The following HIPK3 variants were observed in gnomAD, a reference collection of about 807,000 sequenced individuals.
HIPK3 encodes homeodomain-interacting protein kinase 3.
In HIPK3, 47 loss-of-function variants were observed where a neutral mutation model predicts 124.2. The observed-to-expected ratio is 0.38, with a 90% CI of 0.30 to 0.48. The LOEUF is 0.48. HIPK3 is among the 20% of genes least tolerant of loss of function. HIPK3 has a pLI of 0.98. For synonymous variants in HIPK3, 482 were observed against 515.2 expected, an observed-to-expected ratio of 0.94 and a Z score of 0.87; for missense variants, 1,286 against 1,454.3, an observed-to-expected ratio of 0.88 and a Z score of 1.88.
chr11:33,287,169 A>G lies in HIPK3; in HGVS notation c.755A>G (p.Asn252Ser). ...ATATTAGCAAGGCTCAGTACTGAAA[A>G]TGCTGATGAATATAACTTTGTACGA... The part of the protein sequence containing the change: ...VSILARLSTE[N>S]ADEYNFVRAY... The change falls in exon 2 of 17, where the codon AAT becomes AGT. Residue 252 changes from asparagine (N) to serine (S), a missense_variant. This residue lies in a region of HIPK3 where 251 missense variants were observed against 349.1 expected (regional missense o/e 0.72). Transcript: ENST00000303296. The G allele has an allele frequency of 3.1e-6, 5 of 1,614,216 alleles. No individual in the cohort carries two copies. The highest frequency in any genetic ancestry group is 1.1e-5 in the South Asian group (1 of 91,084).
chr11:33,292,040 A>AG (rs1197387317), intron 2 of HIPK3, among the ~76,000 whole-genome samples: 1 of 152,214 alleles, frequency 6.6e-6, no homozygotes, highest in African/African-American at 2.4e-5. Context: ...TAAGCTACAT[A>AG]GGAAGACCCG....
chr11:33,304,374 A>G (rs995727332), intron 2 of HIPK3, among the ~76,000 whole-genome samples: 15 of 152,292 alleles, frequency 9.8e-5, no homozygotes, highest in African/African-American at 3.1e-4. Context: ...CCTGACGAAC[A>G]TGGAGAAACC....
chr11:33,266,257 C>T (rs191908306), intron 1 of HIPK3, among the ~76,000 whole-genome samples: 2 of 151,870 alleles, frequency 1.3e-5, no homozygotes, highest in South Asian at 4.2e-4. Flanking sequence ...TAGAAAAACA[C>T]TGCTTAAGAA....
chr11:33,356,110 A>G lies in HIPK3; in HGVS notation c.*2542A>G, dbSNP rs1853810241. ...AACTGACAGAGTTTTCTTTTTGTTT[A>G]GGGCCATGTTTACTACCCTGAAATG... On this transcript the variant is annotated 3_prime_UTR_variant, in exon 17 of 17. Transcript: ENST00000303296. 1 of 151,994 alleles carries G rather than the reference A, an allele frequency of 6.6e-6. No homozygotes were observed. Among genetic ancestry groups the G allele is most frequent in the African/African-American group, 2.4e-5 (1 of 41,444 alleles). 9.4% of individuals were successfully genotyped at this position (151,994 alleles called of 1,614,324 possible).
chr11:33,294,160 A>G (rs201737974), intron 2 of HIPK3, among the ~76,000 whole-genome samples: 1 of 16,172 alleles, frequency 6.2e-5, no homozygotes, highest in African/African-American at 1.8e-4. Flanking sequence ...TCTGAAAAAG[A>G]AAAAAAAAAA....
upstream of HIPK3, chr11:33,256,774 G>A (rs1850676230): frequency 2.2e-6 from 2 of 921,304 alleles, no homozygotes; most frequent in Non-Finnish European, 2.6e-6. Flanking sequence ...TCACAATTAT[G>A]GGGTTTTGGA....
chr11:33,264,373 C>T (rs940595649), intron 1 of HIPK3, among the ~76,000 whole-genome samples: 1 of 152,088 alleles, frequency 6.6e-6, no homozygotes, highest in Non-Finnish European at 1.5e-5. Context: ...TGCTGGAACA[C>T]CTTTTCCCAT....
In HIPK3 at chr11:33,349,318, A is replaced by C. The variant is rs566962115; in HGVS notation, c.2807+31A>C. ...AGAATCTCAATAGTAGTGTGTAATA[A>C]ATAGTAAGTCTACTAAAAAGCCTAC... On this transcript the variant is annotated intron_variant, in intron 14 of 16. Transcript: ENST00000303296. 2.6e-4 allele frequency: 408 copies of C among 1,563,558 alleles called. 4 individuals carry two copies. The South Asian group carries it at 4.5e-3, about 17-fold the overall frequency.
chr11:33,332,645 A>G (rs1220506780), intron 3 of HIPK3, among the ~76,000 whole-genome samples: 4 of 152,224 alleles, frequency 2.6e-5, no homozygotes, highest in Non-Finnish European at 1.5e-5. Flanking sequence ...ATGTAAGAAA[A>G]ATAAAGTTCA....
At chr11:33,264,378 T>C (rs1364990785) in intron 1 of HIPK3, among the ~76,000 whole-genome samples, 1 of 152,162 alleles carries the variant, frequency 6.6e-6, no homozygotes, top group Non-Finnish European at 1.5e-5. Context: ...GAACACCTTT[T>C]CCCATCCAAG....
In HIPK3 at chr11:33,353,406, C is replaced by T. The variant is rs1353479518; in HGVS notation, c.3486C>T (p.His1162=). Residue 1162 remains histidine (H), a synonymous_variant, in exon 17 of 17, where the codon CAC becomes CAT. Coordinates refer to ENST00000303296, the MANE Select transcript of HIPK3 (RefSeq NM_005734.5). ...TCTCCCATCCCAGTGGCATAGTTCACCAAGTCCCAGTGGGCTTAAATCCCC... is the reference window on the plus strand; with the variant it reads ...TCTCCCATCCCAGTGGCATAGTTCATCAAGTCCCAGTGGGCTTAAATCCCC... ...YNISHPSGIV[H]QVPVGLNPRL... is the part of the protein sequence containing the mutation. 2.0e-5 allele frequency: 33 copies of T among 1,612,952 alleles called. No homozygotes were observed. The highest frequency in any genetic ancestry group is 2.8e-5 in the Non-Finnish European group (33 of 1,179,824).
chr11:33,319,525 G>A (rs1190246975), intron 2 of HIPK3, among the ~76,000 whole-genome samples: 1 of 151,784 alleles, frequency 6.6e-6, no homozygotes, highest in African/African-American at 2.4e-5. Flanking sequence ...ATGATACCTG[G>A]CACATTGTTA....
At chr11:33,311,249 G>T (rs1852327334) in intron 2 of HIPK3, among the ~76,000 whole-genome samples, 1 of 152,132 alleles carries the variant, frequency 6.6e-6, no homozygotes, top group Admixed American at 6.5e-5. Context: ...ACAGTGGTAA[G>T]ATCACAGCTC....
chr11:33,338,752 A>G lies in HIPK3; in HGVS notation c.1342-5A>G. On this transcript the variant is annotated splice_region_variant and splice_polypyrimidine_tract_variant and intron_variant, in intron 4 of 16. Coordinates refer to ENST00000303296, the MANE Select transcript of HIPK3 (RefSeq NM_005734.5). ...TTCTTTTTTCCCTTTGATATATGCA[A>G]TAAGACATTGGAAGAGCATGAGGCA... 1 of 1,592,532 alleles carries G rather than the reference A, an allele frequency of 6.3e-7. No individual in the cohort carries two copies. Among genetic ancestry groups the G allele is most frequent in the Non-Finnish European group, 8.6e-7 (1 of 1,161,416 alleles).
chr11:33,260,993 C>CT (rs1354737329), intron 1 of HIPK3, among the ~76,000 whole-genome samples: 2 of 150,562 alleles, frequency 1.3e-5, no homozygotes, highest in African/African-American at 4.9e-5. Flanking sequence ...GTATTATTCC[C>CT]CCCCAACACT....
At chr11:33,328,340 A>C in intron 2 of HIPK3, among the ~76,000 whole-genome samples, 170 bp from the exon 3 acceptor site, 1 of 152,224 alleles carries the variant, frequency 6.6e-6, no homozygotes, top group African/African-American at 2.4e-5. Context: ...TACCCCTTTC[A>C]GATTAATTCA....
At chr11:33,326,972 C>A (rs569982115) in intron 2 of HIPK3, among the ~76,000 whole-genome samples, 1 of 151,978 alleles carries the variant, frequency 6.6e-6, no homozygotes, top group Non-Finnish European at 1.5e-5. Flanking sequence ...TGAGCTACCA[C>A]GCCAAATCTG....
chr11:33,317,359 C>G (rs1852535784), intron 2 of HIPK3, among the ~76,000 whole-genome samples: 1 of 145,812 alleles, frequency 6.9e-6, no homozygotes, highest in South Asian at 2.2e-4. Flanking sequence ...TAGTCTTGCT[C>G]AGGCTGTCCT....
intron 4 of HIPK3, among the ~76,000 whole-genome samples, chr11:33,338,246 A>AT (rs1350558993): frequency 1.3e-5 from 2 of 151,926 alleles, no homozygotes; most frequent in East Asian, 1.9e-4. Context: ...TTATTATTGT[A>AT]TTTTTTGAGA....
Sources: allele counts gnomAD v4.1 joint callset (sites outside exome capture counted in the v4.1 genomes callset), GRCh38; gene constraint gnomAD v4.1.1; regional missense constraint gnomAD v4.1.1; transcripts MANE v1.5; gene names NCBI Gene and HGNC (gene_info 2026-07-23, HGNC 2026-07-21).